Variants in CHST9 observed in about 807,000 individuals in gnomAD.
The protein encoded by CHST9 is carbohydrate sulfotransferase 9, also known as GalNAc-4-sulfotransferase 2.
In CHST9, 41 loss-of-function variants were observed where a neutral mutation model predicts 44.4. The ratio of observed to expected loss-of-function variants is 0.92; its 90% confidence interval spans 0.72 to 1.20. CHST9 has a LOEUF of 1.20. Ranked by LOEUF, CHST9 falls within the 50% of genes most tolerant of loss-of-function variation. The probability of loss-of-function intolerance (pLI) is 0.00; values close to 1 mark genes in which losing one functional copy is unlikely to be tolerated. For missense variants in CHST9, 504 were observed against 516.5 expected, an observed-to-expected ratio of 0.98 and a Z score of 0.23; for synonymous variants, 171 against 178.4, an observed-to-expected ratio of 0.96 and a Z score of 0.33.
chr18:27,037,307 A>G (rs2057399824), intron 3 of CHST9, among the ~76,000 whole-genome samples: 1 of 152,132 alleles, frequency 6.6e-6, no homozygotes, highest in Non-Finnish European at 1.5e-5. Flanking sequence ...GAATTTGATA[A>G]TTTACTAGTG....
At chr18:26,939,500 T>G (rs965592221) in intron 5 of CHST9, among the ~76,000 whole-genome samples, 46 of 152,208 alleles carry the variant, frequency 3.0e-4, no homozygotes, top group Admixed American at 2.8e-3. Flanking sequence ...TTTTTGAAAT[T>G]GCAAATGTCT....
chr18:26,992,355 T>G, intron 4 of CHST9, among the ~76,000 whole-genome samples: 1 of 67,068 alleles, frequency 1.5e-5, no homozygotes, highest in Admixed American at 1.9e-4. Flanking sequence ...GAGTTTATAA[T>G]CACTGAGGGT....
At chr18:27,127,657 G>A (rs554610837) in intron 2 of CHST9, among the ~76,000 whole-genome samples, 37 of 152,198 alleles carry the variant, frequency 2.4e-4, no homozygotes, top group Admixed American at 1.5e-3. Context: ...TTTATTTTTA[G>A]ACAGAAGAGA....
chr18:27,045,802 A>C (rs1158250917), intron 3 of CHST9, among the ~76,000 whole-genome samples: 1 of 152,034 alleles, frequency 6.6e-6, no homozygotes, highest in Admixed American at 6.6e-5. Flanking sequence ...ATCACACATG[A>C]ATCAATAGCC....
chr18:26,965,863 C>T (rs1568112587), intron 4 of CHST9, among the ~76,000 whole-genome samples: 1 of 152,038 alleles, frequency 6.6e-6, no homozygotes, highest in Non-Finnish European at 1.5e-5. Flanking sequence ...AAGAAAACAT[C>T]TCATAGGAGG....
intron 4 of CHST9, among the ~76,000 whole-genome samples, chr18:26,975,760 TA>T (rs2056616337): frequency 1.6e-5 from 2 of 126,812 alleles, no homozygotes; most frequent in African/African-American, 2.8e-5. Context: ...TATATATATA[TA>T]TATAACATTT....
At chr18:27,133,474 G>C (rs924110065) in intron 2 of CHST9, among the ~76,000 whole-genome samples, 2 of 152,172 alleles carry the variant, frequency 1.3e-5, no homozygotes, top group African/African-American at 4.8e-5. Flanking sequence ...AGCCCACAGA[G>C]TTGAGTTGTA....
chr18:27,090,615 A>AT (rs199845311), intron 2 of CHST9, among the ~76,000 whole-genome samples: 10,312 of 152,212 alleles, frequency 0.068, 441 homozygotes, highest in East Asian at 0.14. Flanking sequence ...TCTTGAAATA[A>AT]TTTTTTGTAA....
chr18:27,091,225 C>G (rs1208458132), intron 2 of CHST9, among the ~76,000 whole-genome samples: 1 of 152,132 alleles, frequency 6.6e-6, no homozygotes, highest in East Asian at 1.9e-4. Context: ...TGGGAGTTCA[C>G]TCATGATTTG....
At chr18:27,140,904 A>G (rs1374792602) in intron 2 of CHST9, among the ~76,000 whole-genome samples, 2 of 151,740 alleles carry the variant, frequency 1.3e-5, no homozygotes, top group Non-Finnish European at 2.9e-5. Context: ...AATATGTTAC[A>G]TATTCTTTAG....
At chr18:27,061,199 C>T (rs1027767054) in intron 2 of CHST9, among the ~76,000 whole-genome samples, 4 of 152,124 alleles carry the variant, frequency 2.6e-5, no homozygotes, top group African/African-American at 9.7e-5. Context: ...GATGAAGTCA[C>T]CAAGCCTCTG....
intron 5 of CHST9, chr18:26,924,489 G>T: frequency 3.5e-6 from 1 of 285,796 alleles, no homozygotes; most frequent in Non-Finnish European, 5.3e-6. Flanking sequence ...AGGTGCAGCT[G>T]GATTCATGGG....
At chr18:27,129,929 T>A (rs1204537968) in intron 2 of CHST9, among the ~76,000 whole-genome samples, 2 of 152,042 alleles carry the variant, frequency 1.3e-5, no homozygotes, top group African/African-American at 2.4e-5. Context: ...TCAAACCAGT[T>A]TGGGAAATAA....
chr18:27,169,181 T>C (rs1476581603), intron 1 of CHST9, among the ~76,000 whole-genome samples: 1 of 152,196 alleles, frequency 6.6e-6, no homozygotes, highest in Non-Finnish European at 1.5e-5. Flanking sequence ...TCTTAACTCA[T>C]AGAAACTGAC....
intron 2 of CHST9, among the ~76,000 whole-genome samples, chr18:27,110,126 G>GTGTTTTTA (rs2058257847): frequency 6.7e-6 from 1 of 148,320 alleles, no homozygotes. Flanking sequence ...CCTCACCAGA[G>GTGTTTTTA]TGTTTTTAGC....
intron 4 of CHST9, among the ~76,000 whole-genome samples, chr18:26,989,719 A>G (rs1785553): frequency 0.11 from 17,070 of 152,180 alleles, 1,204 homozygotes; most frequent in East Asian, 0.33. Flanking sequence ...TAATCCCAGC[A>G]CTTTTGGATT....
chr18:26,958,134 C>T (rs2145145382), intron 4 of CHST9, among the ~76,000 whole-genome samples: 1 of 151,698 alleles, frequency 6.6e-6, no homozygotes, highest in South Asian at 2.1e-4. Flanking sequence ...GATCCACCTA[C>T]CTTGGCCTCC....
chr18:27,139,392 T>A (rs1441429487), intron 2 of CHST9, among the ~76,000 whole-genome samples: 1 of 152,096 alleles, frequency 6.6e-6, no homozygotes, highest in East Asian at 1.9e-4. Context: ...TCCATTTTTT[T>A]AAACTTAACA....
intron 4 of CHST9, among the ~76,000 whole-genome samples, chr18:26,962,191 C>T (rs193112): frequency 1.3e-5 from 2 of 152,146 alleles, no homozygotes; most frequent in Non-Finnish European, 2.9e-5. Flanking sequence ...ACTGACTCTT[C>T]CAGCCTGGGG....
Sources: gnomAD v4.1 joint callset for allele counts (sites outside exome capture counted in the v4.1 genomes callset) on GRCh38, gnomAD v4.1.1 for gene constraint, MANE v1.5 for transcripts, NCBI Gene and HGNC (gene_info 2026-07-23, HGNC 2026-07-21) for gene names.